Variants in SYT9 observed in about 807,000 individuals in gnomAD.
SYT9 encodes the protein synaptotagmin-9.
Under a neutral mutation model 48.4 loss-of-function variants are expected in SYT9, and 22 were observed. The observed-to-expected ratio is 0.45, with a 90% CI of 0.32 to 0.65. The LOEUF (loss-of-function observed/expected upper bound fraction) is 0.65. Ranked by LOEUF, SYT9 falls within the 30% of genes least tolerant of loss-of-function variation. The probability of loss-of-function intolerance (pLI) is 0.03; values close to 1 mark genes in which losing one functional copy is unlikely to be tolerated. For missense variants in SYT9, 577 were observed against 622.0 expected, an observed-to-expected ratio of 0.93 and a Z score of 0.77; for synonymous variants, 265 against 245.0, an observed-to-expected ratio of 1.08 and a Z score of -0.76.
rs142176955 is a variant in SYT9, at chr11:7,314,060, G to A, written c.1044+119G>A. The stretch of plus-strand genomic sequence containing the variant: ...AATTCCTGTCAATGTACATGTAGCA[G>A]TTATTTCAGAACCTCCTTGTACCTT... On this transcript the variant is annotated intron_variant, in intron 3 of 6. Transcript: ENST00000318881. 1.1e-3 allele frequency: 1,368 copies of A among 1,192,334 alleles called. 9 individuals carry two copies. In the African/African-American group the frequency reaches 0.015, roughly 13 times the overall value. The allele number at this position is 1,192,334 out of a possible 1,614,324, so 73.9% of individuals were successfully genotyped here. A position where few individuals can be genotyped will look rare whatever the true frequency, so the allele number is the denominator to read the frequency against.
At chr11:7,364,305 C>T (rs771179603) in intron 3 of SYT9, among the ~76,000 whole-genome samples, 8 of 152,130 alleles carry the variant, frequency 5.3e-5, no homozygotes, top group Non-Finnish European at 8.8e-5. Context: ...TTGTTTTCTA[C>T]ATGAAGTCAG....
chr11:7,315,537 C>T (rs901756), intron 3 of SYT9, among the ~76,000 whole-genome samples: 113,994 of 152,114 alleles, frequency 0.75, 42,963 homozygotes, highest in East Asian at 1. Flanking sequence ...TCAATTTATA[C>T]TTTTTGACAA....
intron 3 of SYT9, among the ~76,000 whole-genome samples, chr11:7,383,526 C>G (rs1472488109): frequency 1.3e-5 from 2 of 152,128 alleles, no homozygotes; most frequent in Non-Finnish European, 2.9e-5. Context: ...GGGACTGGGC[C>G]ACTCCTAAGT....
chr11:7,249,357 C>T (rs1455730022), upstream of SYT9, among the ~76,000 whole-genome samples: 1 of 152,112 alleles, frequency 6.6e-6, no homozygotes, highest in African/African-American at 2.4e-5. Context: ...AAGTGAGTCA[C>T]AAGGCAGGCC....
intron 3 of SYT9, among the ~76,000 whole-genome samples, chr11:7,398,510 C>T (rs958945228): frequency 4.0e-5 from 6 of 151,414 alleles, no homozygotes; most frequent in African/African-American, 9.7e-5. Context: ...CCCAGGTTCA[C>T]GCCATTCTCC....
At chr11:7,276,976 C>A (rs1219385210) in intron 1 of SYT9, among the ~76,000 whole-genome samples, 1 of 152,066 alleles carries the variant, frequency 6.6e-6, no homozygotes, top group South Asian at 2.1e-4. Context: ...ATTGCTTGAA[C>A]CTGGGAAGTG....
At chr11:7,311,588 G>C (rs1311008877) in intron 2 of SYT9, among the ~76,000 whole-genome samples, 1 of 152,158 alleles carries the variant, frequency 6.6e-6, no homozygotes, top group Non-Finnish European at 1.5e-5. Flanking sequence ...GGATATTGAG[G>C]ATGCACTTTT....
intron 3 of SYT9, among the ~76,000 whole-genome samples, chr11:7,368,381 G>C (rs1411287035): frequency 6.6e-6 from 1 of 152,086 alleles, no homozygotes; most frequent in Non-Finnish European, 1.5e-5. Flanking sequence ...TAAGTTCTGG[G>C]ATACATGTGC....
At chr11:7,428,885 G>C in intron 6 of SYT9, among the ~76,000 whole-genome samples, 1 of 152,096 alleles carries the variant, frequency 6.6e-6, no homozygotes, top group East Asian at 1.9e-4. Context: ...AAGAGTCTTG[G>C]GGTGTAAACT....
At chr11:7,358,194 C>T (rs928299003) in intron 3 of SYT9, among the ~76,000 whole-genome samples, 1 of 151,898 alleles carries the variant, frequency 6.6e-6, no homozygotes, top group Admixed American at 6.6e-5. Flanking sequence ...TAATGGTCTT[C>T]TTAAAATCAT....
chr11:7,352,439 G>A (rs746056724), intron 3 of SYT9, among the ~76,000 whole-genome samples: 30 of 152,236 alleles, frequency 2.0e-4, no homozygotes, highest in Middle Eastern at 6.8e-3. Context: ...TGAAATCAAC[G>A]AATGCACTTT....
At chr11:7,366,647 G>A (rs185731348) in intron 3 of SYT9, among the ~76,000 whole-genome samples, 1 of 151,940 alleles carries the variant, frequency 6.6e-6, no homozygotes, top group African/African-American at 2.4e-5. Flanking sequence ...CCAATCCTCT[G>A]GTGATTAATA....
At chr11:7,446,973 G>A (rs1847945354) in intron 6 of SYT9, among the ~76,000 whole-genome samples, 1 of 152,190 alleles carries the variant, frequency 6.6e-6, no homozygotes, top group African/African-American at 2.4e-5. Context: ...TCCACCTCAG[G>A]GCCCAGAGGC....
chr11:7,372,370 T>C (rs1476505491), intron 3 of SYT9, among the ~76,000 whole-genome samples: 1 of 152,186 alleles, frequency 6.6e-6, no homozygotes, highest in East Asian at 1.9e-4. Flanking sequence ...TGAAGTGCAG[T>C]GGCACAATCT....
At chr11:7,432,439 C>T (rs1348247256) in intron 6 of SYT9, among the ~76,000 whole-genome samples, 3 of 149,364 alleles carry the variant, frequency 2.0e-5, no homozygotes, top group Non-Finnish European at 3.0e-5. Context: ...CCCAGCTACT[C>T]GGGAGGCTGA....
intron 3 of SYT9, among the ~76,000 whole-genome samples, chr11:7,367,200 G>GCCTC (rs1850267808): frequency 7.0e-6 from 1 of 142,994 alleles, no homozygotes; most frequent in Admixed American, 7.3e-5. Flanking sequence ...TCCTGCCTCA[G>GCCTC]CCTCCCGAGT....
intron 6 of SYT9, among the ~76,000 whole-genome samples, chr11:7,429,369 C>A (rs569331943): frequency 7.5e-4 from 114 of 152,266 alleles, no homozygotes; most frequent in African/African-American, 2.6e-3. Flanking sequence ...GCACTATATA[C>A]CCTGGGAGCA....
chr11:7,259,994 T>C (rs1028357583), intron 1 of SYT9, among the ~76,000 whole-genome samples: 2 of 152,204 alleles, frequency 1.3e-5, no homozygotes, highest in Non-Finnish European at 2.9e-5. Flanking sequence ...TCTTTTTCTT[T>C]ATGTTTTCTT....
intron 1 of SYT9, among the ~76,000 whole-genome samples, chr11:7,282,240 A>T (rs975150280): frequency 6.6e-6 from 1 of 152,234 alleles, no homozygotes; most frequent in African/African-American, 2.4e-5. Flanking sequence ...AATAAGCAAC[A>T]TTCTTTCATA....
Sources: gnomAD v4.1 joint callset for allele counts (sites outside exome capture counted in the v4.1 genomes callset) on GRCh38, gnomAD v4.1.1 for gene constraint, MANE v1.5 for transcripts, NCBI Gene and HGNC (gene_info 2026-07-23, HGNC 2026-07-21) for gene names.